The following CEP192 variants were observed in gnomAD, a reference collection of about 807,000 sequenced individuals.
CEP192 encodes the protein centrosomal protein 192.
A neutral mutation model predicts 271.8 loss-of-function variants in CEP192; 151 were observed. That is an observed-to-expected ratio of 0.56 (90% CI 0.49 to 0.64). CEP192 has a LOEUF of 0.64. CEP192 is among the 30% of genes least tolerant of loss of function. CEP192 has a pLI of 0.00. For missense variants in CEP192, 2,910 were observed against 3,020.5 expected, an observed-to-expected ratio of 0.96 and a Z score of 0.86; for synonymous variants, 995 against 1,076.5, an observed-to-expected ratio of 0.92 and a Z score of 1.48.
At chr18:13,060,154 A>C (rs2037330683) in intron 21 of CEP192, among the ~76,000 whole-genome samples, 1 of 152,188 alleles carries the variant, frequency 6.6e-6, no homozygotes, top group African/African-American at 2.4e-5. Flanking sequence ...GTACTTACAC[A>C]AACCTAGATG....
At chr18:13,028,009 C>T (rs1415013802) in intron 9 of CEP192, among the ~76,000 whole-genome samples, 1 of 152,122 alleles carries the variant, frequency 6.6e-6, no homozygotes, top group African/African-American at 2.4e-5. Context: ...TTTATTTCCT[C>T]ACAGTTATGG....
At chr18:13,058,105 C>G (rs1024198925) in intron 20 of CEP192, 2 of 153,194 alleles carry the variant, frequency 1.3e-5, no homozygotes, top group African/African-American at 4.8e-5. Context: ...AAAGCAGTTA[C>G]TCTTGGAGCT....
intron 3 of CEP192, among the ~76,000 whole-genome samples, chr18:13,006,886 A>G (rs1340731226): frequency 2.0e-5 from 3 of 152,154 alleles, no homozygotes; most frequent in Non-Finnish European, 4.4e-5. Context: ...ATTGCAGGCA[A>G]GCCCTTCCCT....
At chr18:13,111,987 A>C (rs2040230347) in intron 40 of CEP192, among the ~76,000 whole-genome samples, 1 of 152,208 alleles carries the variant, frequency 6.6e-6, no homozygotes, top group South Asian at 2.1e-4. Context: ...GGTGTTGGTG[A>C]GGATGTGGGG....
At chr18:13,057,760 A>T in intron 20 of CEP192, 27 bp downstream of exon 20, 2 of 1,606,080 alleles carry the variant, frequency 1.2e-6, no homozygotes, top group Non-Finnish European at 1.7e-6. Context: ...TTCTCATTTA[A>T]CCTAACAGTT....
intron 5 of CEP192, among the ~76,000 whole-genome samples, chr18:13,013,529 T>G (rs1328527109): frequency 6.6e-6 from 1 of 152,214 alleles, no homozygotes; most frequent in Non-Finnish European, 1.5e-5. Flanking sequence ...TTGGCTCTTA[T>G]GTCCTCCCCT....
At chr18:13,037,153 A>T (rs998077299) in intron 11 of CEP192, 84 bp from the exon 12 acceptor site, 1 of 661,212 alleles carries the variant, frequency 1.5e-6, no homozygotes, top group African/African-American at 1.8e-5. Flanking sequence ...TTTCCTTAGT[A>T]TTTCATTTTC....
chr18:13,096,110 T>A (rs2039386372), intron 35 of CEP192, 74 bp from the exon 36 acceptor site: 1 of 1,484,242 alleles, frequency 6.7e-7, no homozygotes, highest in African/African-American at 1.4e-5. Flanking sequence ...AGGGTTCTGG[T>A]TTATTAGTTG....
chr18:13,099,602 G>GTTT, intron 37 of CEP192, 21 bp downstream of exon 37: 8 of 1,153,540 alleles, frequency 6.9e-6, no homozygotes, highest in South Asian at 4.6e-5. Flanking sequence ...AAGTGGTTTG[G>GTTT]TTTTTTTTTT....
chr18:13,095,530 T>G lies in CEP192; in HGVS notation c.6282T>G (p.Gly2094=), dbSNP rs760803416. 4 of 1,611,530 alleles carry G rather than the reference T, an allele frequency of 2.5e-6. No homozygotes were observed. The highest frequency in any genetic ancestry group is 3.4e-6 in the Non-Finnish European group (4 of 1,179,194). The change falls in exon 35 of 45, where the codon GGT becomes GGG. Residue 2094 remains glycine, a synonymous_variant. Coordinates refer to ENST00000506447, the MANE Select transcript of CEP192 (RefSeq NM_032142.4). The part of the protein sequence containing the change: ...TSDLGASGKH[G]GNVSLDVLPV... ...ACTTGGGAGCTTCTGGGAAACATGG[T>G]GGCAACGTCTCTTTGGATGTTTTAC...
chr18:13,118,934 T>C (rs571729804), intron 44 of CEP192, among the ~76,000 whole-genome samples: 1 of 152,306 alleles, frequency 6.6e-6, no homozygotes, highest in Admixed American at 6.5e-5. Flanking sequence ...CTATGACAAC[T>C]ACATAGAAGA....
intron 15 of CEP192, among the ~76,000 whole-genome samples, chr18:13,044,785 A>T (rs2036387692): frequency 6.6e-6 from 1 of 152,116 alleles, no homozygotes; most frequent in Non-Finnish European, 1.5e-5. Flanking sequence ...TGGTTTTGGT[A>T]TCAAGGTTTT....
chr18:13,047,747 T>G (rs181646901), intron 15 of CEP192, among the ~76,000 whole-genome samples: 367 of 152,352 alleles, frequency 2.4e-3, no homozygotes, highest in Non-Finnish European at 3.2e-3. Flanking sequence ...CTGTTGGGCC[T>G]ATTTCAGTTT....
chr18:13,066,116 CA>C (rs1411853296), intron 21 of CEP192, among the ~76,000 whole-genome samples: 3 of 152,216 alleles, frequency 2.0e-5, no homozygotes, highest in African/African-American at 7.2e-5. Flanking sequence ...CAAACTCCTT[CA>C]ACTAGATAAA....
Position 13,069,133 on chromosome 18 carries a change from C to CT in CEP192, c.5009dup (p.Leu1670PhefsTer10). The CT allele has an allele frequency of 6.2e-7, 1 of 1,614,198 alleles. No individual in the cohort carries two copies. Among genetic ancestry groups the CT allele is most frequent in the Non-Finnish European group, 8.5e-7 (1 of 1,180,028 alleles). ...AAGTGGCTTCCTCAAGAAAGCAGCA[C>CT]TTACCTTTGAAAAATGCTGGGAACA... On this transcript the variant is annotated frameshift_variant, in exon 26 of 45. Coordinates refer to ENST00000506447, the MANE Select transcript of CEP192 (RefSeq NM_032142.4). LOFTEE classifies it high-confidence loss of function.
chr18:13,108,057 C>T (rs189501268), intron 40 of CEP192, among the ~76,000 whole-genome samples: 1 of 152,206 alleles, frequency 6.6e-6, no homozygotes, highest in Non-Finnish European at 1.5e-5. Context: ...GGAAAGGACT[C>T]CTTATTCAAT....
chr18:13,067,442 T>C (rs1428769896), intron 21 of CEP192, among the ~76,000 whole-genome samples: 3 of 152,216 alleles, frequency 2.0e-5, no homozygotes, highest in Non-Finnish European at 4.4e-5. Flanking sequence ...TTTGATACCA[T>C]TTTAACATTT....
intron 21 of CEP192, among the ~76,000 whole-genome samples, chr18:13,066,811 C>G (rs1247541895): frequency 6.6e-6 from 1 of 152,192 alleles, no homozygotes; most frequent in Non-Finnish European, 1.5e-5. Flanking sequence ...ATCTTCTGTT[C>G]TCTGGAACAT....
At chr18:13,093,685 A>G (rs1221048560) in intron 34 of CEP192, among the ~76,000 whole-genome samples, 2 of 152,234 alleles carry the variant, frequency 1.3e-5, no homozygotes, top group African/African-American at 4.8e-5. Context: ...CGAAATGAAG[A>G]GCTATATTGA....
Sources: allele counts gnomAD v4.1 joint callset (sites outside exome capture counted in the v4.1 genomes callset), GRCh38; gene constraint gnomAD v4.1.1; transcripts MANE v1.5; gene names NCBI Gene and HGNC (gene_info 2026-07-23, HGNC 2026-07-21).